EYA4: variants seen among roughly 807,000 people sequenced by gnomAD.
EYA4 encodes protein phosphatase EYA4.
In EYA4, 31 loss-of-function variants were observed where a neutral mutation model predicts 87.9. That is an observed-to-expected ratio of 0.35 (90% CI 0.27 to 0.48). EYA4 has a LOEUF of 0.48. EYA4 is among the 20% of genes least tolerant of loss of function. The pLI is 0.99. For missense variants in EYA4, 678 were observed against 761.4 expected (o/e 0.89, Z 1.29); for synonymous variants, 263 against 270.6 (o/e 0.97, Z 0.28).
At chr6:133,516,495 G>A (rs1441804588) in intron 17 of EYA4, among the ~76,000 whole-genome samples, 2 of 151,450 alleles carry the variant, frequency 1.3e-5, no homozygotes, top group African/African-American at 2.4e-5. Context: ...GGTGGATCAC[G>A]AGGTCAGGAG....
intron 2 of EYA4, among the ~76,000 whole-genome samples, chr6:133,312,509 C>G (rs1261518732): frequency 6.6e-6 from 1 of 152,082 alleles, no homozygotes; most frequent in Non-Finnish European, 1.5e-5. Flanking sequence ...CTAAAAATGC[C>G]TAACTCATTA....
At chr6:133,407,792 G>A (rs748432797) in intron 3 of EYA4, among the ~76,000 whole-genome samples, 16 of 152,036 alleles carry the variant, frequency 1.1e-4, no homozygotes, top group Non-Finnish European at 1.9e-4. Flanking sequence ...CCTTATAAAG[G>A]TATTTCTTAT....
chr6:133,380,562 TGG>T (rs1786103252), intron 2 of EYA4, among the ~76,000 whole-genome samples: 1 of 152,192 alleles, frequency 6.6e-6, no homozygotes, highest in Non-Finnish European at 1.5e-5. Context: ...CCAGTCATCA[TGG>T]TCTTGAGGAA....
In EYA4 at chr6:133,530,410, C is replaced by T. The variant is rs1240691358; in HGVS notation, c.*1605C>T. The T allele has an allele frequency of 1.0e-6, 1 of 985,268 alleles. No individual in the cohort carries two copies. The highest frequency in any genetic ancestry group is 1.2e-6 in the Non-Finnish European group (1 of 829,890). 61.0% of individuals were successfully genotyped at this position (985,268 alleles called of 1,614,324 possible). A position where few individuals can be genotyped will look rare whatever the true frequency, so the allele number is the denominator to read the frequency against. ...CCTCTTATTTCCTATGACACGATTT[C>T]CCTTGTGGAAATTTAAGACTTTAAG... On this transcript the variant is annotated 3_prime_UTR_variant, in exon 20 of 20. Transcript: ENST00000355286.
At chr6:133,519,787 C>T (rs1355644199) in intron 17 of EYA4, among the ~76,000 whole-genome samples, 1 of 151,070 alleles carries the variant, frequency 6.6e-6, no homozygotes, top group African/African-American at 2.5e-5. Context: ...CATCAAAAAG[C>T]TTATCCACCA....
At chr6:133,514,166 A>G (rs922310351) in intron 16 of EYA4, among the ~76,000 whole-genome samples, 1 of 152,172 alleles carries the variant, frequency 6.6e-6, no homozygotes, top group Non-Finnish European at 1.5e-5. Flanking sequence ...CATTTCCAAA[A>G]AGAAATTGAC....
intron 18 of EYA4, among the ~76,000 whole-genome samples, chr6:133,524,746 C>A (rs543666117): frequency 6.6e-6 from 1 of 152,180 alleles, no homozygotes; most frequent in South Asian, 2.1e-4. Context: ...GTAAAGTTAC[C>A]CCAATACTCT....
At chr6:133,253,996 G>A (rs1775135653) in intron 1 of EYA4, among the ~76,000 whole-genome samples, 1 of 152,156 alleles carries the variant, frequency 6.6e-6, no homozygotes, top group African/African-American at 2.4e-5. Flanking sequence ...GATGAATCCT[G>A]TTAACTTTTT....
chr6:133,278,421 A>G (rs2128277321), intron 2 of EYA4, among the ~76,000 whole-genome samples: 1 of 152,174 alleles, frequency 6.6e-6, no homozygotes, highest in East Asian at 1.9e-4. Context: ...CTATCTCACC[A>G]CTACATTATA....
chr6:133,242,343 T>C (rs1582715324), intron 1 of EYA4, among the ~76,000 whole-genome samples: 1 of 152,170 alleles, frequency 6.6e-6, no homozygotes, highest in East Asian at 1.9e-4. Context: ...GATCCCACTT[T>C]AATAGTTTTT....
chr6:133,514,055 A>G (rs1035016548), intron 16 of EYA4, among the ~76,000 whole-genome samples: 3 of 152,162 alleles, frequency 2.0e-5, no homozygotes, highest in Non-Finnish European at 4.4e-5. Flanking sequence ...CACATAAGAG[A>G]TGCTCAACAG....
chr6:133,510,629 G>C, intron 14 of EYA4: 1 of 236,024 alleles, frequency 4.2e-6, no homozygotes, highest in Non-Finnish European at 8.4e-6. Flanking sequence ...AGTTTGGACT[G>C]CACTCCTTTC....
At chr6:133,473,564 A>G (rs1009700966) in intron 11 of EYA4, among the ~76,000 whole-genome samples, 3 of 152,094 alleles carry the variant, frequency 2.0e-5, no homozygotes, top group Non-Finnish European at 4.4e-5. Flanking sequence ...CCTGTTCAGA[A>G]TATAATCTTT....
chr6:133,287,528 G>A (rs1430584848), intron 2 of EYA4, among the ~76,000 whole-genome samples: 1 of 118,820 alleles, frequency 8.4e-6, no homozygotes, highest in Non-Finnish European at 2.1e-5. Context: ...ATCTGGCTGA[G>A]AAGCACTGAG....
chr6:133,346,810 A>G lies in EYA4; in HGVS notation c.34-35582A>G, dbSNP rs571130906. Reference sequence around the variant, plus strand: ...GCTGTAGGCTTTGAGTCTTAACCACACACCGTAAGGCACCCAGAGTGTGAA... The same window carrying G: ...GCTGTAGGCTTTGAGTCTTAACCACGCACCGTAAGGCACCCAGAGTGTGAA... On this transcript the variant is annotated intron_variant, in intron 2 of 19. Transcript: ENST00000355286. 2.6e-5 allele frequency among the ~76,000 whole-genome samples: 4 copies of G among 152,212 alleles called. No individual in the cohort carries two copies. In the East Asian group the frequency reaches 7.7e-4, roughly 29 times the overall value.
rs1482983020 is a variant in EYA4 at position 133,531,196 on chromosome 6, A to T, written c.*2391A>T. On this transcript the variant is annotated 3_prime_UTR_variant, in exon 20 of 20. Coordinates refer to ENST00000355286, the MANE Select transcript of EYA4 (RefSeq NM_004100.5). ...TTTCTCACACACATCTCTTTTTCTG[A>T]TTCTGTGTTCAGAAGAGGCTGCCGG... 13 of 1,534,932 alleles carry T rather than the reference A, an allele frequency of 8.5e-6. No homozygotes were observed. Among genetic ancestry groups the T allele is most frequent in the Non-Finnish European group, 1.1e-5 (13 of 1,146,778 alleles).
rs142708132 is a variant in EYA4, at chr6:133,330,079, A to G, written c.34-52313A>G. Among the ~76,000 whole-genome samples, 23 of 152,198 alleles carry G rather than the reference A, an allele frequency of 1.5e-4. 1 individual carries two copies. The Middle Eastern group carries it at 0.01, about 68-fold the overall frequency. Reference sequence around the variant, plus strand: ...AAAAAGAAAAGGAATGGAAGGTCTCAAGAGAGTTGAAAAGGGTATCTATAA... The same window carrying G: ...AAAAAGAAAAGGAATGGAAGGTCTCGAGAGAGTTGAAAAGGGTATCTATAA... On this transcript the variant is annotated intron_variant, in intron 2 of 19. Transcript: ENST00000355286.
At chr6:133,488,435 C>T (rs1436021494) in intron 13 of EYA4, among the ~76,000 whole-genome samples, 1 of 152,122 alleles carries the variant, frequency 6.6e-6, no homozygotes, top group East Asian at 1.9e-4. Context: ...TTACCACAGG[C>T]TTTGAATGTG....
At chr6:133,369,680 A>T (rs1304131939) in intron 2 of EYA4, among the ~76,000 whole-genome samples, 3 of 152,218 alleles carry the variant, frequency 2.0e-5, no homozygotes, top group Non-Finnish European at 1.5e-5. Context: ...AATGAATACC[A>T]TCCTTATTGA....
Sources: gnomAD v4.1 joint callset for allele counts (sites outside exome capture counted in the v4.1 genomes callset) on GRCh38, gnomAD v4.1.1 for gene constraint, MANE v1.5 for transcripts, NCBI Gene and HGNC (gene_info 2026-07-23, HGNC 2026-07-21) for gene names.